Variants in UNC80 observed in about 807,000 individuals in gnomAD.
UNC80 encodes the protein unc-80 subunit of NALCN channel complex.
A neutral mutation model predicts 384.6 loss-of-function variants in UNC80; 164 were observed. That is an observed-to-expected ratio of 0.43 (90% CI 0.38 to 0.49). The LOEUF (loss-of-function observed/expected upper bound fraction) is 0.49. UNC80 is among the 20% of genes least tolerant of loss of function. UNC80 has a pLI of 0.00. For synonymous variants in UNC80, 1,486 were observed against 1,527.8 expected (o/e 0.97, Z 0.64); for missense variants, 3,330 against 4,143.0 (o/e 0.80, Z 5.39).
rs1160222973 is a variant in UNC80, at chr2:209,894,254, C to T, written c.4368C>T (p.Ser1456=). The T allele has an allele frequency of 1.0e-6, 1 of 985,240 alleles. No homozygotes were observed. Among genetic ancestry groups the T allele is most frequent in the Non-Finnish European group, 1.2e-6 (1 of 829,932 alleles). 61.0% of individuals were successfully genotyped at this position (985,240 alleles called of 1,614,324 possible). ...AGGTGAAGAAGGGGGGTTCCTTGTC[C>T]AGCATTCGCCGGGTCGGCAGCTTAA... ...SFQVKKGGSL[S]SIRRVGSLKS... is the part of the protein sequence containing the mutation. Residue 1456 remains serine, a synonymous_variant, in exon 27 of 65, where the codon TCC becomes TCT. Coordinates refer to ENST00000673920, the MANE Select transcript of UNC80 (RefSeq NM_001371986.1).
intron 4 of UNC80, among the ~76,000 whole-genome samples, chr2:209,782,508 T>C (rs1367285091): frequency 6.6e-6 from 1 of 152,172 alleles, no homozygotes; most frequent in African/African-American, 2.4e-5. Flanking sequence ...ATACTTTGTT[T>C]ATTATCATCC....
In UNC80 at chr2:209,988,773, A is replaced by C. The variant is rs2093339310; in HGVS notation, c.9315-3393A>C. Reference sequence around the variant, plus strand: ...AAAGATGCTTTTGGTTTTTGTAGATAATATGGGTCACACCAGTTCTGCTGA... The same window carrying C: ...AAAGATGCTTTTGGTTTTTGTAGATCATATGGGTCACACCAGTTCTGCTGA... On this transcript the variant is annotated intron_variant, in intron 61 of 64. Transcript: ENST00000673920. 2.0e-5 allele frequency among the ~76,000 whole-genome samples: 3 copies of C among 152,316 alleles called. No individual in the cohort carries two copies. The South Asian group carries it at 6.2e-4, about 32-fold the overall frequency.
Position 209,815,947 on chromosome 2 carries a change from T to G in UNC80, c.1335+556T>G, listed in dbSNP as rs980554195. Reference sequence around the variant, plus strand: ...GGAGATAAACAGAAAATAATATGTGTAGACCTGTGTATATGTATATATATA... The same window carrying G: ...GGAGATAAACAGAAAATAATATGTGGAGACCTGTGTATATGTATATATATA... On this transcript the variant is annotated intron_variant, in intron 9 of 64. Transcript: ENST00000673920. Among the ~76,000 whole-genome samples the G allele has an allele frequency of 8.5e-5, 13 of 152,344 alleles. 1 individual carries two copies. The highest frequency in any genetic ancestry group is 3.1e-4 in the African/African-American group (13 of 41,594).
At chr2:209,896,443 G>A in intron 28 of UNC80, 30 bp downstream of exon 28, 1 of 1,529,960 alleles carries the variant, frequency 6.5e-7, no homozygotes, top group Non-Finnish European at 8.9e-7. Flanking sequence ...ACAGCCCTGA[G>A]ATCAATTTCT....
chr2:209,885,740 G>A (rs1430166767), intron 25 of UNC80, among the ~76,000 whole-genome samples: 1 of 150,784 alleles, frequency 6.6e-6, no homozygotes, highest in East Asian at 1.9e-4. Flanking sequence ...AAAATGTAGA[G>A]TCTAAAATGT....
Position 209,779,690 on chromosome 2 carries a change from G to C in UNC80, c.600+2131G>C, listed in dbSNP as rs528992707. Among the ~76,000 whole-genome samples, 11 of 152,252 alleles carry C rather than the reference G, an allele frequency of 7.2e-5. No homozygotes were observed. In the East Asian group the frequency reaches 2.1e-3, roughly 29 times the overall value. ...AATGACTGACACACTGAGTAGACTT[G>C]TCATTATTGGAAGCTGATCCAAGTG... On this transcript the variant is annotated intron_variant, in intron 4 of 64. Transcript: ENST00000673920.
chr2:209,814,367 C>G (rs1280501678), intron 8 of UNC80, among the ~76,000 whole-genome samples: 4 of 152,050 alleles, frequency 2.6e-5, no homozygotes, highest in African/African-American at 9.7e-5. Context: ...TCCTGAGTAG[C>G]TGGGACTGCA....
At chr2:209,981,826 T>C (rs1004163089) in intron 59 of UNC80, among the ~76,000 whole-genome samples, 8 of 152,234 alleles carry the variant, frequency 5.3e-5, no homozygotes, top group African/African-American at 1.2e-4. Context: ...AATAACAAAG[T>C]CTCCTGAAGT....
chr2:209,813,457 T>A, intron 7 of UNC80, 123 bp from the exon 8 acceptor site: 2 of 1,048,252 alleles, frequency 1.9e-6, no homozygotes, highest in South Asian at 1.8e-5. Context: ...TAGAGTAAAC[T>A]ACGTAAGAAA....
At chr2:209,928,884 A>T (rs537206613) in intron 36 of UNC80, among the ~76,000 whole-genome samples, 43 of 152,180 alleles carry the variant, frequency 2.8e-4, no homozygotes, top group African/African-American at 9.9e-4. Context: ...CACTTCCGAG[A>T]GATCAACTTA....
At chr2:209,878,981 C>T (rs892110991) in intron 24 of UNC80, among the ~76,000 whole-genome samples, 1 of 151,252 alleles carries the variant, frequency 6.6e-6, no homozygotes, top group Non-Finnish European at 1.5e-5. Context: ...TTAGGCAGGA[C>T]TAAATAAGAA....
intron 8 of UNC80, among the ~76,000 whole-genome samples, chr2:209,814,402 C>T (rs546559930): frequency 7.2e-5 from 11 of 152,066 alleles, no homozygotes; most frequent in Non-Finnish European, 1.3e-4. Flanking sequence ...CGCCACCACA[C>T]CCGGCTAATT....
At chr2:209,965,317 G>A (rs2092711149) in intron 51 of UNC80, among the ~76,000 whole-genome samples, 1 of 152,100 alleles carries the variant, frequency 6.6e-6, no homozygotes, top group African/African-American at 2.4e-5. Context: ...TGCACCTGTA[G>A]TCCCAGCTAC....
In UNC80 at chr2:209,866,486, A is replaced by ACCCCCC. The variant is rs67328888; in HGVS notation, c.3628-6267_3628-6266insCCCCCC. Among the ~76,000 whole-genome samples, 120 of 111,760 alleles carry ACCCCCC rather than the reference A, an allele frequency of 1.1e-3. 1 individual carries two copies. Among genetic ancestry groups the ACCCCCC allele is most frequent in the African/African-American group, 4.2e-3 (107 of 25,538 alleles). The allele number at this position is 111,760 out of a possible 152,430, so 73.3% of individuals were successfully genotyped here. Reference sequence around the variant, plus strand: ...ATAAACATTCCATAATACAAAATGCACCCCCACACACACACACACACACAC... The same window carrying ACCCCCC: ...ATAAACATTCCATAATACAAAATGCACCCCCCCCCCCACACACACACACACACACAC... On this transcript the variant is annotated intron_variant, in intron 22 of 64. Transcript: ENST00000673920.
chr2:209,952,811 C>T (rs1466110059), intron 47 of UNC80, among the ~76,000 whole-genome samples: 1 of 152,132 alleles, frequency 6.6e-6, no homozygotes, highest in Non-Finnish European at 1.5e-5. Flanking sequence ...GAAAGCAGAA[C>T]CGACTTCTTG....
chr2:209,784,163 T>C (rs911791132), intron 4 of UNC80, among the ~76,000 whole-genome samples: 3 of 152,184 alleles, frequency 2.0e-5, no homozygotes. Context: ...GTCTTCAAAA[T>C]GCATTGAGAA....
chr2:209,959,964 TAAAAGA>T (rs1190742893), intron 51 of UNC80, among the ~76,000 whole-genome samples: 1 of 152,168 alleles, frequency 6.6e-6, no homozygotes, highest in Non-Finnish European at 1.5e-5. Context: ...TGCTTCTCAA[TAAAAGA>T]GAAAGAAAGG....
chr2:209,867,504 T>A (rs963379620), intron 22 of UNC80, among the ~76,000 whole-genome samples: 5 of 152,286 alleles, frequency 3.3e-5, no homozygotes, highest in Admixed American at 3.3e-4. Context: ...AAAGACTTTT[T>A]CCTTTTGTTT....
intron 22 of UNC80, among the ~76,000 whole-genome samples, chr2:209,866,456 T>C (rs2083773697): frequency 6.9e-6 from 1 of 145,118 alleles, no homozygotes; most frequent in Non-Finnish European, 1.5e-5. Flanking sequence ...ATACCAAAGA[T>C]GCTGATAAAC....
Sources: gnomAD v4.1 joint callset for allele counts (sites outside exome capture counted in the v4.1 genomes callset) on GRCh38, gnomAD v4.1.1 for gene constraint, MANE v1.5 for transcripts, NCBI Gene and HGNC (gene_info 2026-07-23, HGNC 2026-07-21) for gene names.